Variants in REV1 observed in about 807,000 individuals in gnomAD.
REV1 encodes REV1 DNA directed polymerase.
In REV1, 42 loss-of-function variants were observed where a neutral mutation model predicts 137.4. The observed-to-expected ratio is 0.31, with a 90% CI of 0.24 to 0.40. The LOEUF (loss-of-function observed/expected upper bound fraction) is 0.40. Among genes scored for constraint, REV1 ranks in the 10% least tolerant of loss-of-function variants. The pLI, the probability that REV1 is intolerant of heterozygous loss-of-function variation, is 1.00. For missense variants in REV1, 1,282 were observed against 1,490.1 expected, an observed-to-expected ratio of 0.86 and a Z score of 2.30; for synonymous variants, 524 against 519.2, an observed-to-expected ratio of 1.01 and a Z score of -0.12.
Position 99,406,476 on chromosome 2 carries a change from C to G in REV1, c.2463G>C (p.Val821=), listed in dbSNP as rs377407385. 20 of 1,605,032 alleles carry G rather than the reference C, an allele frequency of 1.2e-5. No individual in the cohort carries two copies. The African/African-American group carries it at 2.1e-4, about 17-fold the overall frequency. ...TCAGATTAGTTGGAACCAACTGATT[C>G]ACGTGAATCCCAACCTAGAACCCAG... ...ISDMRGVGIH[V]NQLVPTNLNP... Residue 821 remains valine, a synonymous_variant, in exon 16 of 23, where the codon GTG becomes GTC. Coordinates refer to ENST00000258428, the MANE Select transcript of REV1 (RefSeq NM_016316.4).
At chr2:99,419,246 C>CT (rs1400014303) in intron 11 of REV1, among the ~76,000 whole-genome samples, 1 of 138,804 alleles carries the variant, frequency 7.2e-6, no homozygotes, top group African/African-American at 2.7e-5. Flanking sequence ...GAGGCTCACT[C>CT]TGTTGCCCAA....
chr2:99,415,071 G>T (rs1053486745), intron 12 of REV1, among the ~76,000 whole-genome samples: 2 of 152,178 alleles, frequency 1.3e-5, no homozygotes, highest in Non-Finnish European at 2.9e-5. Flanking sequence ...AACCGGAGGT[G>T]GGGGAGGGAG....
At chr2:99,443,092 A>G (rs1369781271) in intron 4 of REV1, among the ~76,000 whole-genome samples, 1 of 152,222 alleles carries the variant, frequency 6.6e-6, no homozygotes, top group East Asian at 1.9e-4. Flanking sequence ...CTTCAGAACT[A>G]AAACTAATTT....
chr2:99,458,312 G>A (rs145399081), intron 3 of REV1, among the ~76,000 whole-genome samples: 3 of 152,258 alleles, frequency 2.0e-5, no homozygotes, highest in African/African-American at 4.8e-5. Context: ...CAATGATGAT[G>A]TAAAGATAAG....
intron 14 of REV1, 138 bp downstream of exon 14, chr2:99,410,557 G>T: frequency 1.4e-6 from 1 of 733,766 alleles, no homozygotes; most frequent in Non-Finnish European, 2.1e-6. Flanking sequence ...TTGGGCTGAT[G>T]CCTGCTTCTA....
At chr2:99,427,582 C>A (rs565498083) in intron 9 of REV1, among the ~76,000 whole-genome samples, 17 of 152,246 alleles carry the variant, frequency 1.1e-4, no homozygotes, top group Middle Eastern at 3.4e-3. Flanking sequence ...ACAATCTAGT[C>A]CCCACTCCAA....
rs779793005 is a variant in REV1 at position 99,435,938 on chromosome 2, T to C, written c.1217A>G (p.Asp406Gly). 8 of 1,550,788 alleles carry C rather than the reference T, an allele frequency of 5.2e-6. No individual in the cohort carries two copies. Among genetic ancestry groups the C allele is most frequent in the Non-Finnish European group, 5.3e-6 (6 of 1,125,514 alleles). ...TCTGGGAGAATTCAATACTGACATA[T>C]CTCCTAGAAGGAAAAAGACAGCATT... is the stretch of plus-strand genomic sequence containing the variant. ...RSALVVTDTG[D>G]MSVLNSPRHQ... is the part of the protein sequence containing the mutation. The change falls in exon 7 of 23, where the codon GAT becomes GGT. Residue 406 changes from aspartate to glycine, a missense_variant. This residue lies in a region of REV1 where 432 missense variants were observed against 438.0 expected (regional missense o/e 0.99). Coordinates refer to ENST00000258428, the MANE Select transcript of REV1 (RefSeq NM_016316.4).
At position 99,407,080 on chromosome 2, in the gene REV1, CTTTTTTTTTTTTTTTT is replaced by C. The variant is rs869170472; in HGVS notation, c.2449-606_2449-591del. 4.0e-4 allele frequency among the ~76,000 whole-genome samples: 24 copies of C among 60,046 alleles called. 1 individual carries two copies. Among genetic ancestry groups the C allele is most frequent in the African/African-American group, 1.4e-3 (21 of 15,550 alleles). 39.4% of individuals were successfully genotyped at this position (60,046 alleles called of 152,430 possible). A position where few individuals can be genotyped will look rare whatever the true frequency, so the allele number is the denominator to read the frequency against. ...ACATAAAACTAAACCTACAAAGGTT[CTTTTTTTTTTTTTTTT>C]TTTTTTTTTTTGAGACAGAGCCTCA... On this transcript the variant is annotated intron_variant, in intron 15 of 22. Transcript: ENST00000258428.
chr2:99,441,514 T>G (rs1428724874), intron 5 of REV1, among the ~76,000 whole-genome samples: 3 of 152,056 alleles, frequency 2.0e-5, no homozygotes, highest in East Asian at 3.8e-4. Context: ...CACTTTCAAT[T>G]CTATAACCAA....
chr2:99,469,879 T>TG (rs1174508274), intron 1 of REV1, among the ~76,000 whole-genome samples: 5 of 151,994 alleles, frequency 3.3e-5, no homozygotes, highest in East Asian at 1.9e-4. Context: ...CCTAGCACTC[T>TG]GGGGGGCCGA....
At position 99,402,237 on chromosome 2, in the gene REV1, T is replaced by C; in HGVS notation, c.3644+7A>G. 1 of 1,148,170 alleles carries C rather than the reference T, an allele frequency of 8.7e-7. No individual in the cohort carries two copies. Among genetic ancestry groups the C allele is most frequent in the Non-Finnish European group, 1.3e-6 (1 of 785,064 alleles). The allele number at this position is 1,148,170 out of a possible 1,614,324, so 71.1% of individuals were successfully genotyped here. On this transcript the variant is annotated splice_region_variant and intron_variant, in intron 22 of 22. Transcript: ENST00000258428. ...TTTCCCATTTGATAAAAGTGATGAA[T>C]TACTACCTTTTCATGTATTTTATAA...
rs752246168 is a variant in REV1, at chr2:99,410,913, A to G, written c.2173-46T>C. 1.3e-5 allele frequency: 19 copies of G among 1,459,048 alleles called. No individual in the cohort carries two copies. In the East Asian group the frequency reaches 4.4e-4, roughly 34 times the overall value. The allele number at this position is 1,459,048 out of a possible 1,614,324, so 90.4% of individuals were successfully genotyped here. A position where few individuals can be genotyped will look rare whatever the true frequency, so the allele number is the denominator to read the frequency against. On this transcript the variant is annotated intron_variant, in intron 13 of 22. Coordinates refer to ENST00000258428, the MANE Select transcript of REV1 (RefSeq NM_016316.4). The stretch of plus-strand genomic sequence containing the variant: ...AGAAACTACCATTCCACTTTCCTAT[A>G]TACCTAATAATTGTTCTCAAGTATT...
chr2:99,413,414 G>A (rs1322538067), intron 12 of REV1, among the ~76,000 whole-genome samples: 1 of 152,146 alleles, frequency 6.6e-6, no homozygotes, highest in Non-Finnish European at 1.5e-5. Flanking sequence ...CATTTTTTCA[G>A]TGAAAAACAG....
At chr2:99,450,160 T>A (rs1310110629) in intron 3 of REV1, among the ~76,000 whole-genome samples, 1 of 152,092 alleles carries the variant, frequency 6.6e-6, no homozygotes, top group Non-Finnish European at 1.5e-5. Flanking sequence ...AAACACCAAT[T>A]TTTTTCAATT....
rs773727639 is a variant in REV1 at position 99,406,037 on chromosome 2, G to A, written c.2684C>T (p.Pro895Leu). The stretch of plus-strand genomic sequence containing the variant: ...ATCAGGACTGGTCGGCAGATGTGCA[G>A]GAAAAGGTGGCAAGAAAGTGCAAGT... ...SRTCTFLPPF[P>L]AHLPTSPDTN... Residue 895 changes from proline (P) to leucine (L), a missense_variant, in exon 17 of 23, where the codon CCT becomes CTT. Coordinates refer to ENST00000258428, the MANE Select transcript of REV1 (RefSeq NM_016316.4). The A allele has an allele frequency of 1.9e-6, 3 of 1,613,824 alleles. No individual in the cohort carries two copies. The African/African-American group carries it at 4.0e-5, about 22-fold the overall frequency.
At chr2:99,407,515 G>T (rs2104413373) in intron 15 of REV1, among the ~76,000 whole-genome samples, 1 of 151,540 alleles carries the variant, frequency 6.6e-6, no homozygotes, top group African/African-American at 2.4e-5. Context: ...CAACGCCATT[G>T]CACTCCAGCC....
intron 4 of REV1, among the ~76,000 whole-genome samples, chr2:99,445,131 CAA>C (rs11367061): frequency 4.5e-4 from 63 of 140,764 alleles, no homozygotes; most frequent in African/African-American, 6.9e-4. Context: ...CGTTTAGGAA[CAA>C]AAAAAAAAAA....
chr2:99,443,903 C>T (rs62155789), intron 4 of REV1, among the ~76,000 whole-genome samples: 1 of 151,622 alleles, frequency 6.6e-6, no homozygotes, highest in East Asian at 1.9e-4. Context: ...AGTGCAGTGG[C>T]GCGATCTCGG....
At chr2:99,418,571 G>C (rs956192056) in intron 12 of REV1, among the ~76,000 whole-genome samples, 1 of 152,064 alleles carries the variant, frequency 6.6e-6, no homozygotes, top group Non-Finnish European at 1.5e-5. Flanking sequence ...TTGTTTCTTA[G>C]AATCTTGCTA....
Sources: allele counts gnomAD v4.1 joint callset (sites outside exome capture counted in the v4.1 genomes callset), GRCh38; gene constraint gnomAD v4.1.1; regional missense constraint gnomAD v4.1.1; transcripts MANE v1.5; gene names NCBI Gene and HGNC (gene_info 2026-07-23, HGNC 2026-07-21).